The following UGT2B7 variants were observed in gnomAD, a reference collection of about 807,000 sequenced individuals.
The protein encoded by UGT2B7 is UDP-glucuronosyltransferase 2B7.
UGT2B7 carries 51 observed loss-of-function variants against 51.9 expected under a neutral mutation model. The observed-to-expected ratio is 0.98, with a 90% confidence interval of 0.78 to 1.24. UGT2B7 has a LOEUF of 1.24. UGT2B7 is among the 50% of genes most tolerant of loss of function. The pLI, the probability that UGT2B7 is intolerant of heterozygous loss-of-function variation, is 0.00. For missense variants in UGT2B7, 727 were observed against 628.4 expected (o/e 1.16, Z -1.68); for synonymous variants, 225 against 211.6 (o/e 1.06, Z -0.55).
chr4:69,056,505 G>T (rs929058218), intron 1 of UGT2B7, among the ~76,000 whole-genome samples: 1 of 152,194 alleles, frequency 6.6e-6, no homozygotes, highest in African/African-American at 2.4e-5. Context: ...TCAAGGACAA[G>T]TAGTTGAGGA....
intron 1 of UGT2B7, among the ~76,000 whole-genome samples, chr4:69,056,548 T>C (rs1718205252): frequency 1.3e-5 from 2 of 152,200 alleles, no homozygotes. Context: ...CTGGCACATG[T>C]ACCCATGCAA....
chr4:69,077,718 T>C (rs1475322261), intron 1 of UGT2B7, among the ~76,000 whole-genome samples: 2 of 152,140 alleles, frequency 1.3e-5, no homozygotes, highest in Non-Finnish European at 2.9e-5. Context: ...TATAATCATG[T>C]CATCTGCAGA....
intron 1 of UGT2B7, among the ~76,000 whole-genome samples, chr4:69,064,598 C>T (rs1044416908): frequency 6.6e-6 from 1 of 152,196 alleles, no homozygotes; most frequent in Admixed American, 6.5e-5. Flanking sequence ...ATTGTTCTCC[C>T]TCTGTATCTC....
intron 1 of UGT2B7, among the ~76,000 whole-genome samples, chr4:69,055,270 T>C (rs1297029514): frequency 1.3e-5 from 2 of 151,250 alleles, no homozygotes; most frequent in East Asian, 1.9e-4. Context: ...AATCATATTT[T>C]TGTGAGATGT....
rs145338673 is a variant in UGT2B7 at position 69,056,051 on chromosome 4, GC to G, written c.-159+4450del. Among the ~76,000 whole-genome samples, 2,155 of 152,162 alleles carry G rather than the reference GC, an allele frequency of 0.014. 161 individuals are homozygous for G. In the East Asian group the frequency reaches 0.23, roughly 16 times the overall value. On this transcript the variant is annotated intron_variant, in intron 1 of 5. Coordinates refer to the UGT2B7 transcript ENST00000502942. ...TATGTAGACACAGAGCTTATGCTAA[GC>G]TGCCTGATCAGTGGAGAGGTAGCTG...
At chr4:69,103,732 A>G (rs779271997) in intron 3 of UGT2B7, among the ~76,000 whole-genome samples, 1 of 152,108 alleles carries the variant, frequency 6.6e-6, no homozygotes, top group Non-Finnish European at 1.5e-5. Flanking sequence ...CACCTCTATT[A>G]CTTATTGTAC....
chr4:69,055,352 A>G (rs1032570596), intron 1 of UGT2B7, among the ~76,000 whole-genome samples: 3 of 150,930 alleles, frequency 2.0e-5, no homozygotes, highest in African/African-American at 7.3e-5. Context: ...CTCCAAAAAA[A>G]AAAAAAGGTC....
chr4:69,078,828 G>C (rs1213581726), intron 1 of UGT2B7, among the ~76,000 whole-genome samples: 2 of 152,122 alleles, frequency 1.3e-5, no homozygotes, highest in Non-Finnish European at 2.9e-5. Context: ...TTGCCATGCT[G>C]TTGGTGTGTT....
intron 1 of UGT2B7, among the ~76,000 whole-genome samples, chr4:69,072,216 G>A (rs1030837190): frequency 1.3e-5 from 2 of 152,030 alleles, no homozygotes; most frequent in African/African-American, 2.4e-5. Flanking sequence ...CTGTTTCTTT[G>A]AGATTGATTC....
At chr4:69,085,203 C>T (rs1346916260) in intron 1 of UGT2B7, among the ~76,000 whole-genome samples, 3 of 152,130 alleles carry the variant, frequency 2.0e-5, no homozygotes, top group Non-Finnish European at 2.9e-5. Flanking sequence ...TTTTGATTTG[C>T]ATTTCTCTAA....
chr4:69,066,670 T>C (rs1215276247), intron 1 of UGT2B7, among the ~76,000 whole-genome samples: 1 of 152,180 alleles, frequency 6.6e-6, no homozygotes, highest in African/African-American at 2.4e-5. Flanking sequence ...TAAAAGAGGT[T>C]GACATTTTAT....
chr4:69,083,951 G>T (rs1718892109), intron 1 of UGT2B7, among the ~76,000 whole-genome samples: 1 of 152,030 alleles, frequency 6.6e-6, no homozygotes, highest in Non-Finnish European at 1.5e-5. Flanking sequence ...TCTTTGTCTT[G>T]TTCCAGATCT....
chr4:69,108,279 A>G lies in UGT2B7; in HGVS notation c.1267A>G (p.Thr423Ala), dbSNP rs774905521. The G allele has an allele frequency of 6.2e-7, 1 of 1,613,662 alleles. No homozygotes were observed. The highest frequency in any genetic ancestry group is 1.7e-5 in the Admixed American group (1 of 60,008). The change falls in exon 5 of 6, where the codon ACA becomes GCA. Residue 423 changes from threonine (T) to alanine (A), a missense_variant. Coordinates refer to ENST00000305231, the MANE Select transcript of UGT2B7 (RefSeq NM_001074.4). Reference protein sequence around the residue: ...VRVDFNTMSSTDLLNALKRVI... With the variant: ...VRVDFNTMSSADLLNALKRVI... ...AGTGGACTTCAACACAATGTCGAGT[A>G]CAGACTTGCTGAATGCATTGAAGAG...
chr4:69,100,011 T>C (rs1003394553), intron 2 of UGT2B7, among the ~76,000 whole-genome samples: 2 of 152,058 alleles, frequency 1.3e-5, no homozygotes, highest in African/African-American at 4.8e-5. Context: ...ACAATAGAAA[T>C]GTGTTCCTTT....
chr4:69,073,169 C>T (rs1313631033), intron 1 of UGT2B7, among the ~76,000 whole-genome samples: 2 of 152,060 alleles, frequency 1.3e-5, no homozygotes. Flanking sequence ...CCCATGAATA[C>T]CCTTAGCCTA....
rs1471670505 is a variant in UGT2B7, at chr4:69,096,556, AC to A, written c.37del (p.Gln13AsnfsTer2). On this transcript the variant is annotated frameshift_variant, in exon 1 of 6. Transcript: ENST00000305231. LOFTEE classifies it high-confidence loss of function. Reference sequence around the variant, plus strand: ...AATGGACTTCAGTAATTTTGCTAATACAACTGAGCTTTTGCTTTAGCTCTGG... The same window carrying A: ...AATGGACTTCAGTAATTTTGCTAATAAACTGAGCTTTTGCTTTAGCTCTGG... ...VKWTSVILLI[Q>X]LSFCFSSGNC... 7.4e-6 allele frequency: 12 copies of A among 1,613,840 alleles called. No individual in the cohort carries two copies. Among genetic ancestry groups the A allele is most frequent in the Admixed American group, 3.3e-5 (2 of 59,984 alleles).
intron 2 of UGT2B7, among the ~76,000 whole-genome samples, chr4:69,089,817 C>A (rs1719045637): frequency 6.6e-6 from 1 of 152,142 alleles, no homozygotes; most frequent in Admixed American, 6.6e-5. Context: ...TCTTTGTTGT[C>A]ATTTGTTTGT....
At chr4:69,073,045 G>A (rs1369225809) in intron 1 of UGT2B7, among the ~76,000 whole-genome samples, 1 of 152,066 alleles carries the variant, frequency 6.6e-6, no homozygotes, top group Non-Finnish European at 1.5e-5. Context: ...CTCCCTGGTG[G>A]TCACTTCCCT....
chr4:69,068,737 G>A (rs376642873), intron 1 of UGT2B7, among the ~76,000 whole-genome samples: 5 of 151,730 alleles, frequency 3.3e-5, no homozygotes, highest in Admixed American at 1.3e-4. Flanking sequence ...AATAACAAGG[G>A]GAGAAGTTAC....
Sources: allele counts gnomAD v4.1 joint callset (sites outside exome capture counted in the v4.1 genomes callset), GRCh38; gene constraint gnomAD v4.1.1; transcripts MANE v1.5; gene names NCBI Gene and HGNC (gene_info 2026-07-23, HGNC 2026-07-21).